ABCC1: variants seen among roughly 807,000 people sequenced by gnomAD.
ABCC1 encodes the protein ATP binding cassette subfamily C member 1 (ABCC1 blood group), also known as multidrug resistance-associated protein 1.
ABCC1 carries 83 observed loss-of-function variants against 172.9 expected under a neutral mutation model. The ratio of observed to expected loss-of-function variants is 0.48; its 90% CI spans 0.40 to 0.58. The LOEUF (loss-of-function observed/expected upper bound fraction) is 0.58. Ranked by LOEUF, ABCC1 falls within the 20% of genes least tolerant of loss-of-function variation. The pLI is 0.00. For missense variants in ABCC1, 1,817 were observed against 2,002.7 expected (o/e 0.91, Z 1.77); for synonymous variants, 937 against 825.2 (o/e 1.14, Z -2.32).
intron 1 of ABCC1, among the ~76,000 whole-genome samples, chr16:15,971,282 G>T (rs566104587): frequency 6.6e-6 from 1 of 152,176 alleles, no homozygotes; most frequent in Non-Finnish European, 1.5e-5. Flanking sequence ...CAAATGCAGG[G>T]TACCATGATC....
At chr16:15,980,252 C>T (rs1161665318) in intron 1 of ABCC1, among the ~76,000 whole-genome samples, 4 of 152,086 alleles carry the variant, frequency 2.6e-5, no homozygotes, top group Admixed American at 1.3e-4. Context: ...TGCCTGTAAT[C>T]TCAGCACTTT....
intron 27 of ABCC1, among the ~76,000 whole-genome samples, chr16:16,132,216 G>T (rs916638073): frequency 6.6e-6 from 1 of 152,098 alleles, no homozygotes; most frequent in Non-Finnish European, 1.5e-5. Context: ...TTGAGAGAGG[G>T]TCTTGCTCTG....
chr16:15,983,102 A>G (rs1424020222), intron 1 of ABCC1, among the ~76,000 whole-genome samples: 1 of 152,136 alleles, frequency 6.6e-6, no homozygotes, highest in Non-Finnish European at 1.5e-5. Flanking sequence ...AGTACCATGA[A>G]GTTGTTAAAT....
chr16:16,104,446 T>C (rs2051968094), intron 20 of ABCC1, among the ~76,000 whole-genome samples: 1 of 152,196 alleles, frequency 6.6e-6, no homozygotes, highest in South Asian at 2.1e-4. Context: ...AGAGTGTTGA[T>C]TGGTGCATTC....
chr16:16,073,503 C>A lies in ABCC1; in HGVS notation c.1912+1774C>A, dbSNP rs546688831. On this transcript the variant is annotated intron_variant, in intron 14 of 30. Coordinates refer to ENST00000399410, the MANE Select transcript of ABCC1 (RefSeq NM_004996.4). ...ACAGGCTGGGTGCAGTGGCTCCTACCTATAATCCTAGTACTTTGGGAGGCC... is the reference window on the plus strand; with the variant it reads ...ACAGGCTGGGTGCAGTGGCTCCTACATATAATCCTAGTACTTTGGGAGGCC... Among the ~76,000 whole-genome samples the A allele has an allele frequency of 9.2e-5, 14 of 152,318 alleles. No homozygotes were observed. In the South Asian group the frequency reaches 2.3e-3, roughly 25 times the overall value.
chr16:16,037,912 CAGAT>C (rs1455611014), intron 7 of ABCC1, among the ~76,000 whole-genome samples: 4 of 152,088 alleles, frequency 2.6e-5, no homozygotes, highest in African/African-American at 9.7e-5. Flanking sequence ...TCGTGGGAGG[CAGAT>C]AGAGCTTGGG....
At chr16:16,073,122 G>A (rs1401313010) in intron 14 of ABCC1, among the ~76,000 whole-genome samples, 1 of 151,942 alleles carries the variant, frequency 6.6e-6, no homozygotes, top group African/African-American at 2.4e-5. Context: ...CCTCTGTCAT[G>A]CACATGCCAT....
intron 1 of ABCC1, among the ~76,000 whole-genome samples, chr16:15,991,928 T>C (rs924766502): frequency 6.6e-6 from 1 of 152,058 alleles, no homozygotes; most frequent in Non-Finnish European, 1.5e-5. Context: ...CACCAGTTCA[T>C]GCATGCCCTG....
chr16:16,068,709 G>A (rs578088565), intron 13 of ABCC1, among the ~76,000 whole-genome samples: 2 of 152,056 alleles, frequency 1.3e-5, no homozygotes, highest in African/African-American at 2.4e-5. Flanking sequence ...CCTTACAGCC[G>A]GGCGCGGCGG....
intron 7 of ABCC1, among the ~76,000 whole-genome samples, chr16:16,040,357 G>A (rs1038611646): frequency 6.6e-6 from 1 of 151,792 alleles, no homozygotes; most frequent in African/African-American, 2.4e-5. Flanking sequence ...GTGCTGTCTT[G>A]GCTCACTGCA....
chr16:16,106,765 T>C lies in ABCC1; in HGVS notation c.2763T>C (p.Ser921=), dbSNP rs1198372677. The C allele has an allele frequency of 6.2e-7, 1 of 1,613,828 alleles. No homozygotes were observed. Among genetic ancestry groups the C allele is most frequent in the Non-Finnish European group, 8.5e-7 (1 of 1,179,988 alleles). ...QRQLSSSSSY[S]GDISRHHNST... ...AGCTCAGCAGCTCCTCCTCCTATAG[T>C]GGGGACATCAGCAGGCACCACAACA... The change falls in exon 21 of 31, where the codon AGT becomes AGC. Residue 921 remains serine, a synonymous_variant. Coordinates refer to ENST00000399410, the MANE Select transcript of ABCC1 (RefSeq NM_004996.4).
At chr16:16,073,953 G>C (rs947465600) in intron 14 of ABCC1, among the ~76,000 whole-genome samples, 1 of 152,176 alleles carries the variant, frequency 6.6e-6, no homozygotes, top group African/African-American at 2.4e-5. Context: ...TATCTTTAGT[G>C]GCACCTAAAA....
rs576589695 is a variant in ABCC1 at position 16,111,451 on chromosome 16, T to C, written c.2948T>C (p.Met983Thr). 3.7e-5 allele frequency: 59 copies of C among 1,614,180 alleles called. No homozygotes were observed. In the South Asian group the frequency reaches 5.9e-4, roughly 16 times the overall value. ...FISFLSIFLFMCNHVSALASN... is the reference protein window; with the variant it reads ...FISFLSIFLFTCNHVSALASN... ...TCCTTCCTCAGCATCTTCCTTTTCATGTGTAACCATGTGTCCGCGCTGGCT... is the reference window on the plus strand; with the variant it reads ...TCCTTCCTCAGCATCTTCCTTTTCACGTGTAACCATGTGTCCGCGCTGGCT... Residue 983 changes from methionine (M) to threonine (T), a missense_variant, in exon 22 of 31, where the codon ATG becomes ACG. Met to Thr is a moderately conservative substitution (Grantham distance 81). Transcript: ENST00000399410.
Position 16,134,407 on chromosome 16 carries a change from C to T in ABCC1, c.4024C>T (p.Arg1342Trp), listed in dbSNP as rs201020041. The T allele has an allele frequency of 1.3e-5, 21 of 1,613,998 alleles. 1 individual carries two copies. The highest frequency in any genetic ancestry group is 2.2e-5 in the South Asian group (2 of 91,084). The change falls in exon 28 of 31, where the codon CGG (arginine) becomes TGG (tryptophan). Residue 1342 changes from arginine to tryptophan, a missense_variant. Transcript: ENST00000399410. ...GTCGTCCCTGACCCTGGGCTTATTTCGGATCAACGAGTCTGCCGAAGGAGA... is the reference window on the plus strand; with the variant it reads ...GTCGTCCCTGACCCTGGGCTTATTTTGGATCAACGAGTCTGCCGAAGGAGA... ...GKSSLTLGLF[R>W]INESAEGEII...
At position 16,111,521 on chromosome 16, in the gene ABCC1, C is replaced by G; in HGVS notation, c.3018C>G (p.Asn1006Lys). Residue 1006 changes from asparagine (N) to lysine (K), a missense_variant, in exon 22 of 31, where the codon AAC (asparagine) becomes AAG (lysine). This residue lies in a region of ABCC1 where 1,412 missense variants were observed against 1,600.3 expected (regional missense o/e 0.88). Coordinates refer to ENST00000399410, the MANE Select transcript of ABCC1 (RefSeq NM_004996.4). ...TCTGGACTGATGACCCCATCGTCAA[C>G]GGGACTCAGGAGCACACGAAAGTCC... Reference protein sequence around the residue: ...LSLWTDDPIVNGTQEHTKVRL... With the variant: ...LSLWTDDPIVKGTQEHTKVRL... 1 of 1,614,134 alleles carries G rather than the reference C, an allele frequency of 6.2e-7. No homozygotes were observed. The highest frequency in any genetic ancestry group is 1.1e-5 in the South Asian group (1 of 91,070).
intron 19 of ABCC1, among the ~76,000 whole-genome samples, chr16:16,101,248 G>C (rs2051731634): frequency 6.6e-6 from 1 of 152,068 alleles, no homozygotes. Flanking sequence ...TGGCCAGGCT[G>C]GTCTTGAACT....
rs2050354132 is a variant in ABCC1, at chr16:16,071,674, T to C, written c.1857T>C (p.Phe619=). The C allele has an allele frequency of 1.2e-6, 2 of 1,613,942 alleles. No individual in the cohort carries two copies. The highest frequency in any genetic ancestry group is 1.7e-6 in the Non-Finnish European group (2 of 1,179,992). ...ASVSLKRLRI[F]LSHEELEPDS... Reference sequence around the variant, plus strand: ...TCTCCCTCAAACGCCTGAGGATCTTTCTCTCCCATGAGGAGCTGGAACCTG... The same window carrying C: ...TCTCCCTCAAACGCCTGAGGATCTTCCTCTCCCATGAGGAGCTGGAACCTG... The change falls in exon 14 of 31, where the codon TTT becomes TTC. Residue 619 remains phenylalanine, a synonymous_variant. Transcript: ENST00000399410.
intron 24 of ABCC1, 142 bp downstream of exon 24, chr16:16,122,316 C>T (rs1022541064): frequency 5.8e-6 from 5 of 856,634 alleles, no homozygotes; most frequent in East Asian, 2.7e-5. Context: ...GCTTGATGAG[C>T]GCGGAGGACA....
At chr16:16,039,223 GTGTGTGTGTGTATGTA>G (rs1381980624) in intron 7 of ABCC1, among the ~76,000 whole-genome samples, 13 of 137,826 alleles carry the variant, frequency 9.4e-5, no homozygotes, top group African/African-American at 3.6e-4. Flanking sequence ...GTGTGTGTGT[GTGTGTGTGTGTATGTA>G]TGTGTGTGTG....
Sources: gnomAD v4.1 joint callset for allele counts (sites outside exome capture counted in the v4.1 genomes callset) on GRCh38, gnomAD v4.1.1 for gene constraint, gnomAD v4.1.1 regional missense constraint, MANE v1.5 for transcripts, NCBI Gene and HGNC (gene_info 2026-07-23, HGNC 2026-07-21) for gene names.